The following PRSS27 variants were observed in gnomAD, a reference collection of about 807,000 sequenced individuals.
PRSS27 encodes the protein channel-activating protease 2.
A neutral mutation model predicts 32.0 loss-of-function variants in PRSS27; 25 were observed. The observed-to-expected ratio is 0.78, with a 90% CI of 0.57 to 1.09. The LOEUF (loss-of-function observed/expected upper bound fraction) is 1.09. PRSS27 is among the 50% of genes least tolerant of loss of function. The probability of loss-of-function intolerance (pLI) is 0.00; values close to 1 mark genes in which losing one functional copy is unlikely to be tolerated. For synonymous variants in PRSS27, 178 were observed against 172.2 expected (o/e 1.03, Z -0.26); for missense variants, 401 against 394.9 (o/e 1.02, Z -0.13).
intron 1 of PRSS27, among the ~76,000 whole-genome samples, chr16:2,718,739 T>C (rs1468518965): frequency 6.6e-6 from 1 of 152,200 alleles, no homozygotes; most frequent in Non-Finnish European, 1.5e-5. Context: ...CTCTCTGTCC[T>C]GATGGGAGCT....
intron 5 of PRSS27, chr16:2,713,180 G>A (rs1322739069): frequency 2.2e-6 from 1 of 458,594 alleles, no homozygotes; most frequent in Non-Finnish European, 4.0e-6. Flanking sequence ...CTCACTGCAA[G>A]CTCCGCCTCC....
chr16:2,712,556 G>A lies in PRSS27; in HGVS notation c.*64C>T. ...AACAGCAGCGCTGGGAGGACCAGCAGGATGGTGTGGGCGGGCAGGCTGGGT... is the reference window on the plus strand; with the variant it reads ...AACAGCAGCGCTGGGAGGACCAGCAAGATGGTGTGGGCGGGCAGGCTGGGT... On this transcript the variant is annotated 3_prime_UTR_variant, in exon 6 of 6. Transcript: ENST00000302641. This position sits in a 1 kb window ranked among gnomAD's most constrained non-coding sequence, Gnocchi z 4.6. 2 of 1,423,270 alleles carry A rather than the reference G, an allele frequency of 1.4e-6. No individual in the cohort carries two copies. Among genetic ancestry groups the A allele is most frequent in the Admixed American group, 4.6e-5 (2 of 43,502 alleles). 88.2% of individuals were successfully genotyped at this position (1,423,270 alleles called of 1,614,324 possible).
At chr16:2,713,841 C>A in intron 4 of PRSS27, 143 bp from the exon 5 acceptor site, 1 of 1,036,918 alleles carries the variant, frequency 9.6e-7, no homozygotes. Context: ...CAGACATCCT[C>A]CCTCCTTCCA....
rs2067704658 is a variant in PRSS27 at position 2,716,728 on chromosome 16, TGGGCCAC to T, written c.47-209_47-203del. 1.8e-5 allele frequency: 11 copies of T among 597,658 alleles called. No individual in the cohort carries two copies. In the South Asian group the frequency reaches 2.0e-4, roughly 11 times the overall value. The allele number at this position is 597,658 out of a possible 1,614,324, so 37.0% of individuals were successfully genotyped here. On this transcript the variant is annotated intron_variant, in intron 1 of 5. Coordinates refer to ENST00000302641, the MANE Select transcript of PRSS27 (RefSeq NM_031948.5). ...TGCCGTATGCTCAGGCCCAGGCCCA[TGGGCCAC>T]AGCTTATCTGCAAGGGTGGATGCTC... is the stretch of plus-strand genomic sequence containing the variant.
In PRSS27 at chr16:2,720,134, G is replaced by A. The variant is rs747848570; in HGVS notation, c.27C>T (p.Leu9=). Residue 9 remains leucine, a synonymous_variant, in exon 1 of 6, where the codon CTC becomes CTT. Transcript: ENST00000302641. MRRPAAVP[L]LLLLCFGSQR... ...ACTCACCAAAACACAGCAGCAGCAG[G>A]AGCGGCACCGCCGCCGGCCGCCTCA... The A allele has an allele frequency of 1.2e-6, 2 of 1,603,232 alleles. No homozygotes were observed. Among genetic ancestry groups the A allele is most frequent in the South Asian group, 1.1e-5 (1 of 89,396 alleles).
chr16:2,712,609 C>A lies in PRSS27; in HGVS notation c.*11G>T, dbSNP rs763174212. The A allele has an allele frequency of 5.7e-6, 9 of 1,569,262 alleles. No homozygotes were observed. The South Asian group carries it at 1.1e-4, about 18-fold the overall frequency. On this transcript the variant is annotated 3_prime_UTR_variant, in exon 6 of 6. Coordinates refer to ENST00000302641, the MANE Select transcript of PRSS27 (RefSeq NM_031948.5). This position sits in a 1 kb window ranked among gnomAD's most constrained non-coding sequence, Gnocchi z 4.6. ...AGAGCTCTGCTCAAGGGGCTCCTGG[C>A]CCCGGGGGTCTCACTTCTGGCCGCC... is the stretch of plus-strand genomic sequence containing the variant.
At position 2,714,018 on chromosome 16, in the gene PRSS27, C is replaced by T; in HGVS notation, c.508+47G>A. 6.4e-7 allele frequency: 1 copy of T among 1,553,438 alleles called. No homozygotes were observed. The highest frequency in any genetic ancestry group is 8.7e-7 in the Non-Finnish European group (1 of 1,147,072). Reference sequence around the variant, plus strand: ...AGAGTGGTCCCCAAGCCGTCCTGGGCCTTCTTGAGGCATATCCCCCATTCT... The same window carrying T: ...AGAGTGGTCCCCAAGCCGTCCTGGGTCTTCTTGAGGCATATCCCCCATTCT... On this transcript the variant is annotated intron_variant, in intron 4 of 5. Coordinates refer to ENST00000302641, the MANE Select transcript of PRSS27 (RefSeq NM_031948.5). The surrounding 1 kb of genome is among the most constrained non-coding windows in gnomAD (Gnocchi z 4.7).
intron 3 of PRSS27, 131 bp downstream of exon 3, chr16:2,715,587 G>A (rs2067695896): frequency 1.6e-6 from 1 of 644,932 alleles, no homozygotes; most frequent in Non-Finnish European, 2.5e-6. Context: ...TGGGTGGGAG[G>A]GGCTGGACCA....
chr16:2,713,079 G>A (rs1316467289), intron 5 of PRSS27: 1 of 533,198 alleles, frequency 1.9e-6, no homozygotes, highest in East Asian at 3.0e-5. Flanking sequence ...CTTCTGGGGT[G>A]GGGTCCAGGA....
chr16:2,716,050 C>A (rs1251828496), intron 2 of PRSS27, 170 bp from the exon 3 acceptor site: 3 of 582,390 alleles, frequency 5.2e-6, no homozygotes, highest in Non-Finnish European at 8.9e-6. Flanking sequence ...TACAGGCAGA[C>A]CCTCCCCAGC....
rs2067682231 is a variant in PRSS27, at chr16:2,713,837, TC to T, written c.509-140del. 4.8e-6 allele frequency: 5 copies of T among 1,039,170 alleles called. No homozygotes were observed. In the South Asian group the frequency reaches 7.6e-5, roughly 16 times the overall value. 64.4% of individuals were successfully genotyped at this position (1,039,170 alleles called of 1,614,324 possible). ...GGCTTAGGGCACTGTGGGGCAGACA[TC>T]CTCCCTCCTTCCAGGCAGCAGGCTG... is the stretch of plus-strand genomic sequence containing the variant. On this transcript the variant is annotated intron_variant, in intron 4 of 5. Coordinates refer to ENST00000302641, the MANE Select transcript of PRSS27 (RefSeq NM_031948.5).
Position 2,717,611 on chromosome 16 carries a change from C to T in PRSS27, c.47-1085G>A, listed in dbSNP as rs1198881855. 1 of 152,460 alleles carries T rather than the reference C, an allele frequency of 6.6e-6. No individual in the cohort carries two copies. Among genetic ancestry groups the T allele is most frequent in the East Asian group, 1.9e-4 (1 of 5,206 alleles). The allele number at this position is 152,460 out of a possible 1,614,324, so 9.4% of individuals were successfully genotyped here. On this transcript the variant is annotated intron_variant, in intron 1 of 5. Transcript: ENST00000302641. This position sits in a 1 kb window ranked among gnomAD's most constrained non-coding sequence, Gnocchi z 4.1. ...GCTTCCCCTTAACCCCCAGTGCCTT[C>T]CGGTGCCCGGGCCAGCTGCTATGGA...
chr16:2,714,052 C>T lies in PRSS27; in HGVS notation c.508+13G>A, dbSNP rs762604307. The T allele has an allele frequency of 1.2e-5, 19 of 1,596,882 alleles. No homozygotes were observed. In the East Asian group the frequency reaches 4.0e-4, roughly 34 times the overall value. On this transcript the variant is annotated intron_variant, in intron 4 of 5. Coordinates refer to ENST00000302641, the MANE Select transcript of PRSS27 (RefSeq NM_031948.5). The surrounding 1 kb of genome is among the most constrained non-coding windows in gnomAD (Gnocchi z 4.7). Reference sequence around the variant, plus strand: ...GGCATATCCCCCATTCTTTCCCAGCCCTGTCCCCTTACCTTCCTCACTGGG... The same window carrying T: ...GGCATATCCCCCATTCTTTCCCAGCTCTGTCCCCTTACCTTCCTCACTGGG...
Position 2,712,793 on chromosome 16 carries a change from C to G in PRSS27, c.700G>C (p.Val234Leu). 1.3e-6 allele frequency: 2 copies of G among 1,576,246 alleles called. No individual in the cohort carries two copies. Among genetic ancestry groups the G allele is most frequent in the Non-Finnish European group, 1.7e-6 (2 of 1,158,500 alleles). ...AGCCACGACTGACCCACGAGGCACA[C>G]CAGGGGGCCGCCCGAGTCGCCCTGC... ...ACKGDSGGPLVCLVGQSWLQA... is the reference protein window; with the variant it reads ...ACKGDSGGPLLCLVGQSWLQA... The change falls in exon 6 of 6, where the codon GTG (valine) becomes CTG (leucine). Residue 234 changes from valine to leucine, a missense_variant. By Grantham distance (32) the Val-to-Leu change is conservative (BLOSUM62 1). Transcript: ENST00000302641. This position sits in a 1 kb window ranked among gnomAD's most constrained non-coding sequence, Gnocchi z 4.6.
Position 2,714,168 on chromosome 16 carries a change from G to C in PRSS27, c.405C>G (p.Pro135=). 2 of 1,614,084 alleles carry C rather than the reference G, an allele frequency of 1.2e-6. No homozygotes were observed. The highest frequency in any genetic ancestry group is 2.2e-5 in the South Asian group (2 of 91,090). Residue 135 remains proline (P), a synonymous_variant, in exon 4 of 6, where the codon CCC becomes CCG. Transcript: ENST00000302641. The surrounding 1 kb of genome is among the most constrained non-coding windows in gnomAD (Gnocchi z 4.7). Reference sequence around the variant, plus strand: ...ACACGGGGAGGATGTAATTGGTGAAGGGCACTGGTGCCTCCAGCTCCACCA... The same window carrying C: ...ACACGGGGAGGATGTAATTGGTGAACGGCACTGGTGCCTCCAGCTCCACCA... The part of the protein sequence containing the change: ...VALVELEAPV[P]FTNYILPVCL...
At position 2,720,150 on chromosome 16, in the gene PRSS27, G is replaced by C. The variant is rs774452677; in HGVS notation, c.11C>G (p.Pro4Arg). 1 of 1,600,646 alleles carries C rather than the reference G, an allele frequency of 6.2e-7. No homozygotes were observed. The highest frequency in any genetic ancestry group is 8.5e-7 in the Non-Finnish European group (1 of 1,174,158). MRR[P>R]AAVPLLLLLC... ...CAGCAGCAGGAGCGGCACCGCCGCC[G>C]GCCGCCTCATGTCCTCAGGCCTGGC... Residue 4 changes from proline to arginine, a missense_variant, in exon 1 of 6, where the codon CCG becomes CGG. By Grantham distance (103) the Pro-to-Arg change is moderately radical (BLOSUM62 -2). Transcript: ENST00000302641.
intron 1 of PRSS27, chr16:2,716,856 C>A: frequency 9.9e-6 from 4 of 402,768 alleles, no homozygotes; most frequent in Non-Finnish European, 1.8e-5. Flanking sequence ...TCCCTCCACA[C>A]TCCACACCCA....
At chr16:2,713,490 G>C in intron 5 of PRSS27, 39 bp downstream of exon 5, 1 of 1,591,666 alleles carries the variant, frequency 6.3e-7, no homozygotes, top group Non-Finnish European at 8.6e-7. Flanking sequence ...GGGCCTGGCG[G>C]TGGGGACTGA....
chr16:2,719,444 G>T (rs939193243), intron 1 of PRSS27, among the ~76,000 whole-genome samples: 26 of 152,180 alleles, frequency 1.7e-4, no homozygotes, highest in Non-Finnish European at 7.4e-5. Context: ...GCTAGCCCAG[G>T]AATGTGAGAG....
Sources: gnomAD v4.1 joint callset for allele counts (sites outside exome capture counted in the v4.1 genomes callset) on GRCh38, gnomAD v4.1.1 for gene constraint, Gnocchi (gnomAD v3.1) non-coding constraint, MANE v1.5 for transcripts, NCBI Gene and HGNC (gene_info 2026-07-23, HGNC 2026-07-21) for gene names.